The following PALMD variants were observed in gnomAD, a reference collection of about 807,000 sequenced individuals.
PALMD encodes the protein paralemmin-like protein.
PALMD carries 42 observed loss-of-function variants against 56.2 expected under a neutral mutation model. The observed-to-expected ratio is 0.75, with a 90% CI of 0.58 to 0.97. PALMD has a LOEUF of 0.97. PALMD is among the 50% of genes least tolerant of loss of function. The probability of loss-of-function intolerance (pLI) is 0.00; values close to 1 mark genes in which losing one functional copy is unlikely to be tolerated. For synonymous variants in PALMD, 242 were observed against 222.9 expected (o/e 1.09, Z -0.76); for missense variants, 660 against 643.8 (o/e 1.03, Z -0.27).
At chr1:99,658,290 C>A (rs1302772972) in intron 1 of PALMD, among the ~76,000 whole-genome samples, 1 of 141,904 alleles carries the variant, frequency 7.0e-6, no homozygotes, top group African/African-American at 2.7e-5. Flanking sequence ...GATGATGGTG[C>A]AAGACTCTGT....
chr1:99,691,016 G>C (rs375012468), intron 7 of PALMD, among the ~76,000 whole-genome samples: 1 of 152,110 alleles, frequency 6.6e-6, no homozygotes, highest in Admixed American at 6.6e-5. Context: ...GTATCCCAAT[G>C]ATAAATTTAA....
At chr1:99,687,998 T>C (rs1012379596) in intron 6 of PALMD, among the ~76,000 whole-genome samples, 3 of 152,160 alleles carry the variant, frequency 2.0e-5, no homozygotes, top group African/African-American at 7.2e-5. Flanking sequence ...CAGAATTCTA[T>C]TCGCTTTACC....
intron 3 of PALMD, among the ~76,000 whole-genome samples, chr1:99,675,808 T>G (rs1396807270): frequency 2.0e-5 from 3 of 152,234 alleles, no homozygotes; most frequent in Non-Finnish European, 4.4e-5. Flanking sequence ...AATATTGTTC[T>G]GATTAAGAGG....
chr1:99,655,932 ACG>A (rs1652714156), intron 1 of PALMD, among the ~76,000 whole-genome samples: 3 of 104,042 alleles, frequency 2.9e-5, no homozygotes, highest in South Asian at 6.2e-4. Flanking sequence ...CATAACACAC[ACG>A]CACACACACA....
intron 7 of PALMD, 61 bp downstream of exon 7, chr1:99,689,933 T>C: frequency 1.3e-6 from 2 of 1,481,700 alleles, no homozygotes; most frequent in Non-Finnish European, 1.8e-6. Flanking sequence ...TCTCTTGTGC[T>C]AATGCAGTCT....
intron 3 of PALMD, chr1:99,684,427 G>A (rs1653441417): frequency 6.6e-6 from 1 of 152,170 alleles, no homozygotes; most frequent in South Asian, 2.1e-4. Context: ...TTTGGTCACT[G>A]TAAGATCCCC....
At chr1:99,653,140 A>C (rs12088417) in intron 1 of PALMD, among the ~76,000 whole-genome samples, 1,593 of 152,226 alleles carry the variant, frequency 0.01, 30 homozygotes, top group African/African-American at 0.037. Flanking sequence ...CGAGCTCAAC[A>C]CTAGCTGGAG....
intron 3 of PALMD, among the ~76,000 whole-genome samples, chr1:99,676,545 C>T (rs1326636389): frequency 6.6e-6 from 1 of 152,106 alleles, no homozygotes; most frequent in Non-Finnish European, 1.5e-5. Flanking sequence ...CCCCTCCCAC[C>T]CTCTCACCCT....
chr1:99,677,967 G>A (rs1653250829), intron 3 of PALMD, among the ~76,000 whole-genome samples: 1 of 152,108 alleles, frequency 6.6e-6, no homozygotes, highest in East Asian at 1.9e-4. Context: ...GTGTGTCCCT[G>A]AATCTATATT....
intron 7 of PALMD, among the ~76,000 whole-genome samples, chr1:99,691,843 G>A (rs1653658958): frequency 6.6e-6 from 1 of 152,094 alleles, no homozygotes; most frequent in Non-Finnish European, 1.5e-5. Context: ...GTTAAGAATT[G>A]TTAGTCTCTT....
At chr1:99,676,089 T>C (rs1199716275) in intron 3 of PALMD, among the ~76,000 whole-genome samples, 3 of 152,158 alleles carry the variant, frequency 2.0e-5, no homozygotes, top group Non-Finnish European at 2.9e-5. Context: ...AACTGCTGCA[T>C]TGTATTGTTT....
chr1:99,679,946 T>C (rs1186880647), intron 3 of PALMD, among the ~76,000 whole-genome samples: 1 of 152,180 alleles, frequency 6.6e-6, no homozygotes, highest in African/African-American at 2.4e-5. Flanking sequence ...GCAATGGAAA[T>C]ATGCAATATG....
chr1:99,650,059 T>C (rs1040979591), intron 1 of PALMD, among the ~76,000 whole-genome samples: 2 of 151,446 alleles, frequency 1.3e-5, no homozygotes, highest in African/African-American at 2.4e-5. Flanking sequence ...GGGATGGGAG[T>C]GCATTGTAAG....
chr1:99,657,606 A>G (rs1399350028), intron 1 of PALMD, among the ~76,000 whole-genome samples: 1 of 152,112 alleles, frequency 6.6e-6, no homozygotes, highest in Admixed American at 6.6e-5. Flanking sequence ...TTTTAACTCT[A>G]TCATTCTTCT....
intron 6 of PALMD, 110 bp from the exon 7 acceptor site, chr1:99,688,665 C>A (rs1481977189): frequency 4.4e-6 from 3 of 680,640 alleles, no homozygotes; most frequent in Admixed American, 5.9e-5. Context: ...CAACATCTCA[C>A]ATACAAGAAC....
At chr1:99,681,099 GTATA>G (rs372930321) in intron 3 of PALMD, among the ~76,000 whole-genome samples, 1 of 59,766 alleles carries the variant, frequency 1.7e-5, no homozygotes, top group African/African-American at 7.1e-5. Context: ...ATATGTGTGT[GTATA>G]TATGTGTGTG....
At chr1:99,674,974 A>G (rs1323517144) in intron 3 of PALMD, among the ~76,000 whole-genome samples, 2 of 152,224 alleles carry the variant, frequency 1.3e-5, no homozygotes, top group African/African-American at 4.8e-5. Flanking sequence ...TACCAGCTCA[A>G]AAAACTTCCA....
rs775605217 is a variant in PALMD, at chr1:99,683,054, AAGAGAGAGAG to A, written c.252-3594_252-3585del. ...AAAGAAAGAAAGAAAGAAAGAAAGA[AAGAGAGAGAG>A]AGAGAGAGAGAGAGAGAGAGAGAGA... On this transcript the variant is annotated intron_variant, in intron 3 of 7. Transcript: ENST00000263174. Among the ~76,000 whole-genome samples the A allele has an allele frequency of 3.4e-4, 9 of 26,274 alleles. 1 individual carries two copies. The highest frequency in any genetic ancestry group is 1.2e-3 in the East Asian group (1 of 832). The allele number at this position is 26,274 out of a possible 152,430, so 17.2% of individuals were successfully genotyped here. A position where few individuals can be genotyped will look rare whatever the true frequency, so the allele number is the denominator to read the frequency against.
At chr1:99,691,947 A>G (rs1292018503) in intron 7 of PALMD, among the ~76,000 whole-genome samples, 1 of 152,186 alleles carries the variant, frequency 6.6e-6, no homozygotes, top group African/African-American at 2.4e-5. Context: ...AAAAAGGTGG[A>G]CCCTGGAGAT....
Sources: gnomAD v4.1 joint callset for allele counts (sites outside exome capture counted in the v4.1 genomes callset) on GRCh38, gnomAD v4.1.1 for gene constraint, MANE v1.5 for transcripts, NCBI Gene and HGNC (gene_info 2026-07-23, HGNC 2026-07-21) for gene names.